Variants in SNTB1 observed in about 807,000 individuals in gnomAD.
The protein encoded by SNTB1 is beta-1-syntrophin.
Under a neutral mutation model 48.9 loss-of-function variants are expected in SNTB1, and 36 were observed. That is an observed-to-expected ratio of 0.74 (90% CI 0.56 to 0.97). The LOEUF is 0.97. Ranked by LOEUF, SNTB1 falls within the 50% of genes least tolerant of loss-of-function variation. The probability of loss-of-function intolerance (pLI) is 0.00; values close to 1 mark genes in which losing one functional copy is unlikely to be tolerated. For missense variants in SNTB1, 786 were observed against 703.4 expected (o/e 1.12, Z -1.33); for synonymous variants, 299 against 294.6 (o/e 1.01, Z -0.15).
intron 2 of SNTB1, among the ~76,000 whole-genome samples, chr8:120,647,139 G>T (rs1448379749): frequency 7.3e-6 from 1 of 137,570 alleles, no homozygotes; most frequent in Non-Finnish European, 1.6e-5. Flanking sequence ...TTAATTTTTT[G>T]AAGGGTTTTT....
In SNTB1 at chr8:120,632,601, C is replaced by T. The variant is rs768752496; in HGVS notation, c.839G>A (p.Ser280Asn). Residue 280 changes from serine to asparagine, a missense_variant, in exon 3 of 7, where the codon AGC becomes AAC. Coordinates refer to ENST00000517992, the MANE Select transcript of SNTB1 (RefSeq NM_021021.4). ...PDAKHTVILR[S>N]KDSATAQAWF... The stretch of plus-strand genomic sequence containing the variant: ...TGCCTGGGCCGTGGCTGAGTCCTTG[C>T]TCCTTAGGATCACCGTGTGCTTAGC... 6 of 1,613,988 alleles carry T rather than the reference C, an allele frequency of 3.7e-6. No homozygotes were observed. Among genetic ancestry groups the T allele is most frequent in the East Asian group, 4.5e-5 (2 of 44,888 alleles).
chr8:120,622,023 G>A (rs185227599), intron 3 of SNTB1, among the ~76,000 whole-genome samples: 20 of 152,302 alleles, frequency 1.3e-4, no homozygotes, highest in African/African-American at 4.8e-4. Context: ...CAAACGTTAA[G>A]TTGACCCCTT....
At chr8:120,797,546 C>CTTTTTTTTTTTTTTTTTTTTTT (rs60374035) in intron 1 of SNTB1, among the ~76,000 whole-genome samples, 3 of 69,086 alleles carry the variant, frequency 4.3e-5, no homozygotes, top group Admixed American at 2.3e-4. Context: ...ACTTGTTTCT[C>CTTTTTTTTTTTTTTTTTTTTTT]TTTTTTTTTT....
intron 1 of SNTB1, among the ~76,000 whole-genome samples, chr8:120,751,785 G>GA (rs200247176): frequency 1.3e-5 from 2 of 151,704 alleles, no homozygotes; most frequent in African/African-American, 2.4e-5. Flanking sequence ...AGGTTTAAAT[G>GA]AAAAAAAATA....
At chr8:120,588,005 T>G (rs1816176591) in intron 3 of SNTB1, among the ~76,000 whole-genome samples, 1 of 152,200 alleles carries the variant, frequency 6.6e-6, no homozygotes, top group Admixed American at 6.5e-5. Flanking sequence ...ATTGACAATT[T>G]TTTTAAAAAA....
In SNTB1 at chr8:120,792,748, G is replaced by A. The variant is rs572564080; in HGVS notation, c.571+18525C>T. On this transcript the variant is annotated intron_variant, in intron 1 of 6. Transcript: ENST00000517992. ...TCAAAGGTTTGGGATTTTATTTTAC[G>A]AAAAGGTAGCTGGTTGTACAGGATG... Among the ~76,000 whole-genome samples, 3 of 152,070 alleles carry A rather than the reference G, an allele frequency of 2.0e-5. 1 individual carries two copies. Among genetic ancestry groups the A allele is most frequent in the African/African-American group, 4.8e-5 (2 of 41,534 alleles).
At chr8:120,693,662 G>A in intron 2 of SNTB1, 30 bp downstream of exon 2, 1 of 1,594,982 alleles carries the variant, frequency 6.3e-7, no homozygotes, top group South Asian at 1.1e-5. Context: ...GGAGCTGCTT[G>A]ATACAGTGGA....
intron 3 of SNTB1, among the ~76,000 whole-genome samples, chr8:120,590,533 C>A (rs11992871): frequency 0.036 from 5,540 of 152,186 alleles, 352 homozygotes; most frequent in African/African-American, 0.12. Context: ...ATGATTAATG[C>A]TTTCTGGAAT....
intron 2 of SNTB1, among the ~76,000 whole-genome samples, chr8:120,651,564 T>C (rs1817411478): frequency 6.6e-6 from 1 of 152,236 alleles, no homozygotes; most frequent in Non-Finnish European, 1.5e-5. Context: ...GTTTCATTTT[T>C]TTAGTAGGTT....
intron 1 of SNTB1, among the ~76,000 whole-genome samples, chr8:120,749,959 T>C (rs1231708400): frequency 2.0e-5 from 3 of 152,328 alleles, no homozygotes; most frequent in Non-Finnish European, 1.5e-5. Flanking sequence ...TATAAACCTC[T>C]AGCAATCACA....
intron 1 of SNTB1, among the ~76,000 whole-genome samples, chr8:120,779,147 A>G (rs895694493): frequency 6.6e-6 from 1 of 152,244 alleles, no homozygotes; most frequent in Non-Finnish European, 1.5e-5. Flanking sequence ...GATCTAATCA[A>G]GGATTTTTGA....
chr8:120,577,191 T>A (rs1191091387), intron 3 of SNTB1, among the ~76,000 whole-genome samples: 1 of 152,336 alleles, frequency 6.6e-6, no homozygotes, highest in Non-Finnish European at 1.5e-5. Flanking sequence ...TGATCACCTT[T>A]ATATTTTAAT....
intron 1 of SNTB1, among the ~76,000 whole-genome samples, chr8:120,715,588 C>T (rs1818541415): frequency 6.6e-6 from 1 of 152,098 alleles, no homozygotes; most frequent in Admixed American, 6.6e-5. Flanking sequence ...GTATTATAAA[C>T]AAACAAAGTG....
At chr8:120,809,990 G>T (rs762666658) in intron 1 of SNTB1, among the ~76,000 whole-genome samples, 4 of 152,162 alleles carry the variant, frequency 2.6e-5, no homozygotes, top group Non-Finnish European at 5.9e-5. Context: ...TCACACACTA[G>T]TGCCACGACT....
At chr8:120,788,919 C>T (rs1208648060) in intron 1 of SNTB1, among the ~76,000 whole-genome samples, 1 of 152,120 alleles carries the variant, frequency 6.6e-6, no homozygotes, top group Non-Finnish European at 1.5e-5. Context: ...AAACATACTA[C>T]CCAAGAACTT....
intron 1 of SNTB1, among the ~76,000 whole-genome samples, chr8:120,715,119 T>A (rs1270273421): frequency 1.3e-5 from 2 of 152,244 alleles, no homozygotes; most frequent in Non-Finnish European, 2.9e-5. Context: ...TTCCCCTTAT[T>A]TTCATTCTCC....
chr8:120,756,553 T>G (rs1234548758), intron 1 of SNTB1, among the ~76,000 whole-genome samples: 1 of 152,092 alleles, frequency 6.6e-6, no homozygotes, highest in Non-Finnish European at 1.5e-5. Context: ...CAGCCAAAAT[T>G]TGGGGAACCT....
intron 1 of SNTB1, among the ~76,000 whole-genome samples, chr8:120,751,485 T>G (rs2130034181): frequency 6.6e-6 from 1 of 152,074 alleles, no homozygotes; most frequent in African/African-American, 2.4e-5. Flanking sequence ...TTTTTTTTTG[T>G]GCAAGAAATC....
chr8:120,811,291 T>C lies in SNTB1; in HGVS notation c.553A>G (p.Lys185Glu). Residue 185 changes from lysine to glutamate, a missense_variant, in exon 1 of 7, where the codon AAG becomes GAG. Lys to Glu is a moderately conservative substitution (Grantham distance 56). Coordinates refer to ENST00000517992, the MANE Select transcript of SNTB1 (RefSeq NM_021021.4). ...EAVQALKRAG[K>E]EVLLEVKYMR... ...CCCTTACCTTCCAGCAGCACTTCCT[T>C]GCCCGCGCGCTTCAACGCCTGCACC... 6.2e-7 allele frequency: 1 copy of C among 1,603,878 alleles called. No individual in the cohort carries two copies. Among genetic ancestry groups the C allele is most frequent in the East Asian group, 2.2e-5 (1 of 44,798 alleles).
Sources: allele counts gnomAD v4.1 joint callset (sites outside exome capture counted in the v4.1 genomes callset), GRCh38; gene constraint gnomAD v4.1.1; transcripts MANE v1.5; gene names NCBI Gene and HGNC (gene_info 2026-07-23, HGNC 2026-07-21).